The following NTRK3 variants were observed in gnomAD, a reference collection of about 807,000 sequenced individuals.
NTRK3 encodes the protein neurotrophic receptor tyrosine kinase 3, also known as NT-3 growth factor receptor.
A neutral mutation model predicts 91.7 loss-of-function variants in NTRK3; 24 were observed. The ratio of observed to expected loss-of-function variants is 0.26; its 90% CI spans 0.19 to 0.37. The LOEUF (loss-of-function observed/expected upper bound fraction) is 0.37. Ranked by LOEUF, NTRK3 falls within the 10% of genes least tolerant of loss-of-function variation. The pLI is 1.00. For missense variants in NTRK3, 880 were observed against 1,068.9 expected (o/e 0.82, Z 2.46); for synonymous variants, 483 against 404.0 (o/e 1.20, Z -2.34).
chr15:88,024,455 G>T (rs1157503935), intron 14 of NTRK3, among the ~76,000 whole-genome samples: 10 of 152,186 alleles, frequency 6.6e-5, no homozygotes, highest in East Asian at 1.9e-4. Flanking sequence ...GTGGATGTTT[G>T]TTGACTGACT....
chr15:88,089,131 T>A (rs1178624271), intron 13 of NTRK3, among the ~76,000 whole-genome samples: 1 of 146,036 alleles, frequency 6.8e-6, no homozygotes, highest in Non-Finnish European at 1.5e-5. Flanking sequence ...CTGTCCTTAG[T>A]GTGGTATGAC....
intron 13 of NTRK3, among the ~76,000 whole-genome samples, chr15:88,062,289 G>A (rs771561321): frequency 7.9e-5 from 12 of 152,168 alleles, no homozygotes; most frequent in South Asian, 6.2e-4. Flanking sequence ...AGTGTTTTGC[G>A]CAAGAAGTAC....
At chr15:87,897,604 C>T (rs533036009) in intron 17 of NTRK3, among the ~76,000 whole-genome samples, 59 of 152,050 alleles carry the variant, frequency 3.9e-4, no homozygotes, top group Non-Finnish European at 7.4e-4. Flanking sequence ...CCCCCAAATG[C>T]AGGTTATAAT....
intron 14 of NTRK3, chr15:87,978,608 G>A: frequency 4.3e-6 from 1 of 231,096 alleles, no homozygotes; most frequent in East Asian, 6.1e-5. Context: ...GAAGAGCCTG[G>A]AGAAACTCTC....
At chr15:87,882,027 C>G (rs1385735400) in intron 17 of NTRK3, among the ~76,000 whole-genome samples, 1 of 152,024 alleles carries the variant, frequency 6.6e-6, no homozygotes, top group African/African-American at 2.4e-5. Flanking sequence ...TCCTGAGTAG[C>G]TGGGATTATA....
At position 88,243,651 on chromosome 15, in the gene NTRK3, C is replaced by G. The variant is rs1323747715; in HGVS notation, c.248+12255G>C. On this transcript the variant is annotated intron_variant, in intron 3 of 18. Coordinates refer to ENST00000394480, the Ensembl canonical transcript of NTRK3. This position sits in a 1 kb window ranked among gnomAD's most constrained non-coding sequence, Gnocchi z 4.8. ...GAGGCTTTTTTGTCAACCAGACCAACCCCTACATTTCCCAGGTAAACAAAC... is the reference window on the plus strand; with the variant it reads ...GAGGCTTTTTTGTCAACCAGACCAAGCCCTACATTTCCCAGGTAAACAAAC... 6.6e-6 allele frequency among the ~76,000 whole-genome samples: 1 copy of G among 152,112 alleles called. No individual in the cohort carries two copies. The highest frequency in any genetic ancestry group is 1.5e-5 in the Non-Finnish European group (1 of 68,028).
intron 5 of NTRK3, among the ~76,000 whole-genome samples, chr15:88,164,136 C>A (rs2044714529): frequency 6.6e-6 from 1 of 152,124 alleles, no homozygotes; most frequent in Non-Finnish European, 1.5e-5. Context: ...CAGAGGAATC[C>A]AGGGAAGAAC....
At chr15:88,044,323 C>T (rs956218088) in intron 13 of NTRK3, among the ~76,000 whole-genome samples, 84 of 143,618 alleles carry the variant, frequency 5.8e-4, no homozygotes, top group Non-Finnish European at 1.2e-3. Flanking sequence ...TGCAGTGACA[C>T]GATCTCGGCT....
exon 19 of NTRK3, chr15:87,869,228 T>A (rs912470227): frequency 8.7e-6 from 2 of 229,804 alleles, no homozygotes; most frequent in African/African-American, 4.4e-5. Context: ...CCACGGCTCC[T>A]CTGCTCCTGG....
rs1206416613 is a variant in NTRK3, at chr15:87,889,320, C to CAAATTATA, written c.2134-8900_2134-8893dup. On this transcript the variant is annotated intron_variant, in intron 17 of 18. Coordinates refer to ENST00000394480, the Ensembl canonical transcript of NTRK3. ...CCCAATGAATTAGACCAGAGGTCAA[C>CAAATTATA]AAATTATAGCTTGTCATTTGTTACT... Among the ~76,000 whole-genome samples the CAAATTATA allele has an allele frequency of 1.1e-4, 16 of 146,890 alleles. No individual in the cohort carries two copies. In the East Asian group the frequency reaches 3.3e-3, roughly 31 times the overall value.
chr15:88,208,489 A>T (rs1019710532), intron 3 of NTRK3, among the ~76,000 whole-genome samples: 1 of 152,166 alleles, frequency 6.6e-6, no homozygotes, highest in Admixed American at 6.5e-5. Flanking sequence ...GCATGTTGTT[A>T]AAATGCAAAT....
chr15:88,091,029 T>C (rs2048967644), intron 13 of NTRK3, among the ~76,000 whole-genome samples: 1 of 152,178 alleles, frequency 6.6e-6, no homozygotes, highest in African/African-American at 2.4e-5. Flanking sequence ...CTAATCCCTG[T>C]AACTCCTGTG....
At chr15:88,006,924 C>A (rs567989066) in intron 14 of NTRK3, among the ~76,000 whole-genome samples, 5 of 152,216 alleles carry the variant, frequency 3.3e-5, no homozygotes, top group East Asian at 3.9e-4. Context: ...CTTCCTCATG[C>A]GTGAAAAAGC....
chr15:87,945,694 G>C (rs965536398), intron 14 of NTRK3, among the ~76,000 whole-genome samples: 1 of 150,092 alleles, frequency 6.7e-6, no homozygotes, highest in Non-Finnish European at 1.5e-5. Flanking sequence ...TGTTCTGGGA[G>C]AATGAGGGCA....
chr15:88,099,935 G>T (rs1016933149), intron 13 of NTRK3, among the ~76,000 whole-genome samples: 2 of 152,142 alleles, frequency 1.3e-5, no homozygotes, highest in Non-Finnish European at 2.9e-5. Flanking sequence ...GAGTTGACAA[G>T]GATACTTTGC....
At chr15:87,958,312 C>G (rs2071886436) in intron 14 of NTRK3, among the ~76,000 whole-genome samples, 1 of 152,156 alleles carries the variant, frequency 6.6e-6, no homozygotes, top group African/African-American at 2.4e-5. Flanking sequence ...CAGCCCACCT[C>G]AACTCTGAGC....
chr15:88,098,540 AAAC>A (rs2049859991), intron 13 of NTRK3: 1 of 225,528 alleles, frequency 4.4e-6, no homozygotes, highest in East Asian at 6.3e-5. Flanking sequence ...AGGAGACGGT[AAAC>A]AACAGAACTT....
intron 13 of NTRK3, among the ~76,000 whole-genome samples, chr15:88,092,425 A>C (rs1317474558): frequency 6.6e-6 from 1 of 152,216 alleles, no homozygotes; most frequent in Non-Finnish European, 1.5e-5. Context: ...GCCCATACAC[A>C]GGACCAGAGC....
At chr15:88,015,360 T>A (rs545523966) in intron 14 of NTRK3, among the ~76,000 whole-genome samples, 3 of 151,196 alleles carry the variant, frequency 2.0e-5, no homozygotes, top group Non-Finnish European at 4.4e-5. Context: ...CGGGAGGGAG[T>A]CCTTCTCTGG....
Sources: gnomAD v4.1 joint callset for allele counts (sites outside exome capture counted in the v4.1 genomes callset) on GRCh38, gnomAD v4.1.1 for gene constraint, Gnocchi (gnomAD v3.1) non-coding constraint, MANE v1.5 for transcripts, NCBI Gene and HGNC (gene_info 2026-07-23, HGNC 2026-07-21) for gene names.